The following ANKFN1 variants were observed in gnomAD, a reference collection of about 807,000 sequenced individuals.
ANKFN1 encodes the protein ankyrin repeat and fibronectin type-III domain-containing protein 1.
A neutral mutation model predicts 108.7 loss-of-function variants in ANKFN1; 74 were observed. The ratio of observed to expected loss-of-function variants is 0.68; its 90% CI spans 0.56 to 0.83. The LOEUF (loss-of-function observed/expected upper bound fraction) is 0.83, where lower values mean the gene tolerates loss of function less well. Among genes scored for constraint, ANKFN1 ranks in the 40% least tolerant of loss-of-function variants. The pLI is 0.00. For synonymous variants in ANKFN1, 547 were observed against 516.2 expected, an observed-to-expected ratio of 1.06 and a Z score of -0.81; for missense variants, 1,505 against 1,382.3, an observed-to-expected ratio of 1.09 and a Z score of -1.41.
At chr17:56,179,495 A>C (rs926449584) in intron 1 of ANKFN1, among the ~76,000 whole-genome samples, 1 of 152,152 alleles carries the variant, frequency 6.6e-6, no homozygotes, top group Admixed American at 6.5e-5. Flanking sequence ...GAGGGGGGAT[A>C]AAAAAACAGG....
At chr17:56,441,470 T>C (rs1388497165) in intron 9 of ANKFN1, among the ~76,000 whole-genome samples, 1 of 152,114 alleles carries the variant, frequency 6.6e-6, no homozygotes, top group Non-Finnish European at 1.5e-5. Context: ...CGCATATCTA[T>C]ACCAGGGGCC....
At position 56,511,066 on chromosome 17, in the gene ANKFN1, C is replaced by T. The variant is rs1376542612; in HGVS notation, c.3238C>T (p.Leu1080Phe). 2.6e-6 allele frequency: 4 copies of T among 1,536,008 alleles called. No individual in the cohort carries two copies. Among genetic ancestry groups the T allele is most frequent in the South Asian group, 1.2e-5 (1 of 84,060 alleles). ...CCTTCCTGAGGAGCGGAACAGCAGT[C>T]TCCAGGACGCGAGGCCTTCCGTCCG... is the stretch of plus-strand genomic sequence containing the variant. ...ASLPEERNSSLQDARPSVRRL... is the reference protein window; with the variant it reads ...ASLPEERNSSFQDARPSVRRL... Residue 1080 changes from leucine (L) to phenylalanine (F), a missense_variant, in exon 21 of 21, where the codon CTC (leucine) becomes TTC (phenylalanine). Physicochemically the swap from Leu to Phe is conservative, Grantham distance 22. Transcript: ENST00000682825.
Position 56,236,453 on chromosome 17 carries a change from A to G in ANKFN1, c.53+8496A>G, listed in dbSNP as rs535692679. On this transcript the variant is annotated intron_variant, in intron 3 of 20. Coordinates refer to ENST00000682825, the MANE Select transcript of ANKFN1 (RefSeq NM_001370326.1). ...TAGATATTTTATTCTTTTCGTGGCAATTGTGAATGGGATTGCATTCCTGAT... is the reference window on the plus strand; with the variant it reads ...TAGATATTTTATTCTTTTCGTGGCAGTTGTGAATGGGATTGCATTCCTGAT... Among the ~76,000 whole-genome samples, 14 of 152,208 alleles carry G rather than the reference A, an allele frequency of 9.2e-5. No individual in the cohort carries two copies. The East Asian group carries it at 1.5e-3, about 17-fold the overall frequency.
At chr17:56,495,499 C>T (rs1568049845) in intron 19 of ANKFN1, among the ~76,000 whole-genome samples, 1 of 152,086 alleles carries the variant, frequency 6.6e-6, no homozygotes, top group Non-Finnish European at 1.5e-5. Flanking sequence ...GAAGTCACTA[C>T]ACAAACCAAA....
chr17:56,362,787 G>C (rs2046555605), intron 6 of ANKFN1, among the ~76,000 whole-genome samples: 1 of 152,078 alleles, frequency 6.6e-6, no homozygotes, highest in South Asian at 2.1e-4. Flanking sequence ...TCACAGCAAA[G>C]GAAACAACAG....
chr17:56,335,031 G>A lies in ANKFN1; in HGVS notation c.188+8676G>A, dbSNP rs8074140. Among the ~76,000 whole-genome samples the A allele has an allele frequency of 2.1e-3, 320 of 152,236 alleles. 2 individuals carry two copies. The highest frequency in any genetic ancestry group is 7.2e-3 in the African/African-American group (298 of 41,542). On this transcript the variant is annotated intron_variant, in intron 4 of 20. Transcript: ENST00000682825. ...TGTCAGGTTTGTCAAAAATCAGATG[G>A]TCGTACATGTGTGGTGTTATTTCTG...
Position 56,175,912 on chromosome 17 carries a change from A to G in ANKFN1, c.-71+22382A>G, listed in dbSNP as rs369606487. ...TTGAAATGGCTAGAATTAATAGCCT[A>G]TTATAAGATAGTAGGGGGGTGGGGG... On this transcript the variant is annotated intron_variant, in intron 1 of 20. Coordinates refer to ENST00000682825, the MANE Select transcript of ANKFN1 (RefSeq NM_001370326.1). Among the ~76,000 whole-genome samples, 9 of 112,196 alleles carry G rather than the reference A, an allele frequency of 8.0e-5. No individual in the cohort carries two copies. The East Asian group carries it at 2.8e-3, about 35-fold the overall frequency. 73.6% of individuals were successfully genotyped at this position (112,196 alleles called of 152,430 possible).
At chr17:56,271,532 C>A (rs936500085) in intron 3 of ANKFN1, among the ~76,000 whole-genome samples, 11 of 152,150 alleles carry the variant, frequency 7.2e-5, no homozygotes, top group African/African-American at 2.4e-4. Flanking sequence ...GGTCTTAGAG[C>A]AGCAGAAGCA....
chr17:56,309,004 G>A (rs2044929767), intron 3 of ANKFN1, among the ~76,000 whole-genome samples: 2 of 152,056 alleles, frequency 1.3e-5, no homozygotes. Context: ...ATCTACATTT[G>A]TGAGTAATAT....
At chr17:56,278,155 G>A (rs2043982161) in intron 3 of ANKFN1, among the ~76,000 whole-genome samples, 2 of 152,176 alleles carry the variant, frequency 1.3e-5, no homozygotes, top group Admixed American at 6.5e-5. Flanking sequence ...AATGATCAAA[G>A]CAGCTTATAT....
At chr17:56,363,946 G>A (rs986495616) in intron 6 of ANKFN1, among the ~76,000 whole-genome samples, 1 of 152,054 alleles carries the variant, frequency 6.6e-6, no homozygotes, top group Admixed American at 6.6e-5. Flanking sequence ...GGGACAATGG[G>A]GAGATGACAG....
chr17:56,105,880 G>A (rs1435585543), intron 4 of ANKFN1, among the ~76,000 whole-genome samples: 2 of 152,034 alleles, frequency 1.3e-5, no homozygotes, highest in African/African-American at 2.4e-5. Context: ...GGGGTGGTGA[G>A]AGGATAGTGG....
At chr17:56,361,776 C>T (rs2046525706) in intron 6 of ANKFN1, among the ~76,000 whole-genome samples, 2 of 151,974 alleles carry the variant, frequency 1.3e-5, no homozygotes, top group South Asian at 4.2e-4. Context: ...CACTTCCGAG[C>T]TTACTCATAG....
intron 4 of ANKFN1, among the ~76,000 whole-genome samples, chr17:56,113,188 G>GA (rs1183810390): frequency 6.6e-6 from 1 of 152,154 alleles, no homozygotes; most frequent in Non-Finnish European, 1.5e-5. Context: ...CTGGTGGGTA[G>GA]AAAATCACAT....
intron 4 of ANKFN1, among the ~76,000 whole-genome samples, chr17:56,067,340 T>G (rs1382611255): frequency 6.6e-6 from 1 of 152,224 alleles, no homozygotes; most frequent in Non-Finnish European, 1.5e-5. Flanking sequence ...TATTTAAAAT[T>G]ATATGAGTAC....
At chr17:56,308,051 C>T (rs987690466) in intron 3 of ANKFN1, among the ~76,000 whole-genome samples, 8 of 151,946 alleles carry the variant, frequency 5.3e-5, no homozygotes, top group East Asian at 1.9e-4. Flanking sequence ...AACACATGGA[C>T]GCAGGAAGGG....
chr17:56,361,190 T>C (rs1338826604), intron 6 of ANKFN1, among the ~76,000 whole-genome samples: 2 of 152,136 alleles, frequency 1.3e-5, no homozygotes, highest in Admixed American at 6.6e-5. Context: ...ATTTTAAATA[T>C]ACATGCAACA....
In ANKFN1 at chr17:56,510,538, G is replaced by A. The variant is rs759577885; in HGVS notation, c.2710G>A (p.Asp904Asn). ...EVFLPTNSDY[D>N]SSDALSPRDL... ...CTTCCTCCCCACCAACAGTGACTAC[G>A]ACTCCAGCGATGCCCTGAGCCCCAG... The change falls in exon 21 of 21, where the codon GAC (aspartate) becomes AAC (asparagine). Residue 904 changes from aspartate to asparagine, a missense_variant. Physicochemically the swap from Asp to Asn is conservative, Grantham distance 23. Coordinates refer to ENST00000682825, the MANE Select transcript of ANKFN1 (RefSeq NM_001370326.1). The A allele has an allele frequency of 1.0e-5, 16 of 1,536,138 alleles. 1 individual carries two copies. In the Middle Eastern group the frequency reaches 1.8e-3, roughly 176 times the overall value.
intron 8 of ANKFN1, among the ~76,000 whole-genome samples, chr17:56,426,482 G>A (rs2048571606): frequency 6.6e-6 from 1 of 152,322 alleles, no homozygotes; most frequent in East Asian, 1.9e-4. Context: ...AAGCAGATGA[G>A]CTGGAAAATA....
Sources: allele counts gnomAD v4.1 joint callset (sites outside exome capture counted in the v4.1 genomes callset), GRCh38; gene constraint gnomAD v4.1.1; transcripts MANE v1.5; gene names NCBI Gene and HGNC (gene_info 2026-07-23, HGNC 2026-07-21).